Variants in EXTL3 observed in about 807,000 individuals in gnomAD.
EXTL3 encodes the protein exostosin-like 3.
EXTL3 carries 27 observed loss-of-function variants against 69.3 expected under a neutral mutation model. That is an observed-to-expected ratio of 0.39 (90% CI 0.29 to 0.54). The LOEUF (loss-of-function observed/expected upper bound fraction) is 0.54, where lower values mean the gene tolerates loss of function less well. Among genes scored for constraint, EXTL3 ranks in the 20% least tolerant of loss-of-function variants. The pLI is 0.69. For missense variants in EXTL3, 1,003 were observed against 1,231.8 expected, an observed-to-expected ratio of 0.81 and a Z score of 2.78; for synonymous variants, 511 against 499.4, an observed-to-expected ratio of 1.02 and a Z score of -0.31.
chr8:28,630,584 T>G (rs537163759), intron 1 of EXTL3, among the ~76,000 whole-genome samples: 3 of 152,340 alleles, frequency 2.0e-5, no homozygotes, highest in Admixed American at 2.0e-4. Context: ...CCTACCAGAA[T>G]GTTACGTTTC....
At chr8:28,692,723 C>T (rs894097189) in intron 1 of EXTL3, among the ~76,000 whole-genome samples, 6 of 152,302 alleles carry the variant, frequency 3.9e-5, no homozygotes, top group South Asian at 2.1e-4. Context: ...TCAGTTGGAA[C>T]GCCTTGTTCA....
intron 1 of EXTL3, among the ~76,000 whole-genome samples, chr8:28,695,278 A>G (rs10094864): frequency 0.015 from 2,230 of 151,796 alleles, 46 homozygotes; most frequent in African/African-American, 0.051. Flanking sequence ...ACAGGCACCC[A>G]CCACCATGCC....
chr8:28,664,118 A>G (rs1436580010), intron 1 of EXTL3, among the ~76,000 whole-genome samples: 1 of 152,238 alleles, frequency 6.6e-6, no homozygotes, highest in Non-Finnish European at 1.5e-5. Flanking sequence ...AGCAGAGAGA[A>G]AGACCCGGAT....
chr8:28,707,014 G>A lies in EXTL3; in HGVS notation c.-570+5355G>A, dbSNP rs139158386. Among the ~76,000 whole-genome samples, 34 of 152,094 alleles carry A rather than the reference G, an allele frequency of 2.2e-4. No homozygotes were observed. The East Asian group carries it at 6.0e-3, about 27-fold the overall frequency. ...GGTTCATTTATTATAATTAACTCTT[G>A]AATCCACCTGGAACTTATTTTTGGA... is the stretch of plus-strand genomic sequence containing the variant. On this transcript the variant is annotated intron_variant, in intron 1 of 6. Transcript: ENST00000220562.
At chr8:28,631,227 C>G (rs977141422) in intron 1 of EXTL3, among the ~76,000 whole-genome samples, 1 of 151,386 alleles carries the variant, frequency 6.6e-6, no homozygotes, top group African/African-American at 2.4e-5. Context: ...TGAACAGTAC[C>G]ATCAGTAACA....
At chr8:28,737,470 AC>A in intron 4 of EXTL3, 48 bp from the exon 5 acceptor site, 4 of 1,609,642 alleles carry the variant, frequency 2.5e-6, no homozygotes, top group Non-Finnish European at 3.4e-6. Context: ...ACTTCTGATG[AC>A]CCTAGAGCTC....
intron 1 of EXTL3, among the ~76,000 whole-genome samples, chr8:28,672,198 G>A (rs567904550): frequency 8.6e-5 from 13 of 151,994 alleles, no homozygotes; most frequent in Non-Finnish European, 1.9e-4. Flanking sequence ...GGTGGATCAC[G>A]TGAGGTCAGG....
intron 1 of EXTL3, among the ~76,000 whole-genome samples, chr8:28,689,538 ATAAG>A (rs1486812957): frequency 6.6e-6 from 1 of 152,226 alleles, no homozygotes; most frequent in Admixed American, 6.5e-5. Context: ...AGTTTCCTAA[ATAAG>A]GCATTTTCCA....
chr8:28,707,371 C>T (rs765710922), intron 1 of EXTL3, among the ~76,000 whole-genome samples: 2 of 152,204 alleles, frequency 1.3e-5, no homozygotes, highest in Non-Finnish European at 2.9e-5. Context: ...ACAGTACTCC[C>T]ATGTGGCTGA....
intron 1 of EXTL3, among the ~76,000 whole-genome samples, chr8:28,656,494 A>T (rs1167740827): frequency 2.0e-5 from 3 of 152,114 alleles, no homozygotes; most frequent in African/African-American, 7.2e-5. Flanking sequence ...TTATCCTCCA[A>T]TTCATTCCCC....
intron 1 of EXTL3, among the ~76,000 whole-genome samples, chr8:28,682,151 T>C (rs570107094): frequency 3.2e-4 from 49 of 152,326 alleles, no homozygotes; most frequent in African/African-American, 1.2e-3. Flanking sequence ...AGGTGTGAGA[T>C]GATATTTCAT....
At chr8:28,705,888 T>A (rs1432039463) in intron 1 of EXTL3, among the ~76,000 whole-genome samples, 1 of 152,242 alleles carries the variant, frequency 6.6e-6, no homozygotes, top group Non-Finnish European at 1.5e-5. Context: ...ATAGGAAGAA[T>A]GCAGAAATCA....
chr8:28,715,838 T>C lies in EXTL3; in HGVS notation c.-222T>C. 1.7e-6 allele frequency: 1 copy of C among 575,120 alleles called. No homozygotes were observed. Among genetic ancestry groups the C allele is most frequent in the Non-Finnish European group, 3.1e-6 (1 of 324,096 alleles). The allele number at this position is 575,120 out of a possible 1,614,324, so 35.6% of individuals were successfully genotyped here. A position where few individuals can be genotyped will look rare whatever the true frequency, so the allele number is the denominator to read the frequency against. On this transcript the variant is annotated 5_prime_UTR_variant, in exon 3 of 7. Transcript: ENST00000220562. ...TTGATAAAGATTAAGGACATGTTCT[T>C]TGGTCAACAGCCAGAACTTAAAATC...
At chr8:28,633,207 G>A (rs757969424) in intron 1 of EXTL3, among the ~76,000 whole-genome samples, 58 of 151,982 alleles carry the variant, frequency 3.8e-4, no homozygotes, top group Non-Finnish European at 6.5e-4. Context: ...GTGTGTTGGC[G>A]CACGCCTGTA....
chr8:28,617,894 G>C (rs918139146), upstream of EXTL3, among the ~76,000 whole-genome samples: 2 of 152,092 alleles, frequency 1.3e-5, no homozygotes, highest in Non-Finnish European at 2.9e-5. Context: ...AGACACAAAT[G>C]GGCAAATATT....
At chr8:28,672,496 TGAA>T (rs1235484507) in intron 1 of EXTL3, among the ~76,000 whole-genome samples, 2 of 152,156 alleles carry the variant, frequency 1.3e-5, no homozygotes, top group African/African-American at 4.8e-5. Flanking sequence ...CTCTTGGCTG[TGAA>T]GATTGTCAGG....
chr8:28,710,455 G>A (rs1054581832), intron 1 of EXTL3: 18 of 456,054 alleles, frequency 3.9e-5, no homozygotes, highest in Non-Finnish European at 7.5e-5. Context: ...AATATGAGGT[G>A]CACAGCATGG....
chr8:28,743,707 T>C (rs189172031), intron 6 of EXTL3, among the ~76,000 whole-genome samples: 2 of 152,352 alleles, frequency 1.3e-5, no homozygotes, highest in Non-Finnish European at 1.5e-5. Context: ...AGAGCATGTA[T>C]GTCACTGTGT....
At chr8:28,668,001 G>A (rs1807223187) in intron 1 of EXTL3, among the ~76,000 whole-genome samples, 1 of 152,048 alleles carries the variant, frequency 6.6e-6, no homozygotes, top group Non-Finnish European at 1.5e-5. Flanking sequence ...AGTGACTCAC[G>A]CCTGTAATCC....
Sources: allele counts gnomAD v4.1 joint callset (sites outside exome capture counted in the v4.1 genomes callset), GRCh38; gene constraint gnomAD v4.1.1; transcripts MANE v1.5; gene names NCBI Gene and HGNC (gene_info 2026-07-23, HGNC 2026-07-21).